The following DGKB variants were observed in gnomAD, a reference collection of about 807,000 sequenced individuals.
DGKB encodes 90 kDa diacylglycerol kinase.
DGKB carries 67 observed loss-of-function variants against 114.3 expected under a neutral mutation model. That is an observed-to-expected ratio of 0.59 (90% CI 0.48 to 0.72). The LOEUF is 0.72. Among genes scored for constraint, DGKB ranks in the 30% least tolerant of loss-of-function variants. The pLI, the probability that DGKB is intolerant of heterozygous loss-of-function variation, is 0.00. For synonymous variants in DGKB, 398 were observed against 323.1 expected, an observed-to-expected ratio of 1.23 and a Z score of -2.49; for missense variants, 907 against 975.2, an observed-to-expected ratio of 0.93 and a Z score of 0.93.
chr7:14,534,690 C>T (rs1343987618), intron 20 of DGKB, among the ~76,000 whole-genome samples: 1 of 151,466 alleles, frequency 6.6e-6, no homozygotes, highest in African/African-American at 2.4e-5. Flanking sequence ...TATACTTAGA[C>T]AAAAATAGAC....
intron 20 of DGKB, among the ~76,000 whole-genome samples, chr7:14,549,849 G>T (rs973916014): frequency 1.3e-5 from 2 of 152,132 alleles, no homozygotes; most frequent in East Asian, 1.9e-4. Context: ...TTAGCTGGGC[G>T]TGGTGGCGTG....
At chr7:14,698,732 T>C (rs1308911287) in intron 7 of DGKB, among the ~76,000 whole-genome samples, 1 of 152,160 alleles carries the variant, frequency 6.6e-6, no homozygotes, top group East Asian at 1.9e-4. Flanking sequence ...AATTTCCATA[T>C]TATTCTGCTC....
intron 20 of DGKB, among the ~76,000 whole-genome samples, chr7:14,555,961 C>A (rs1795806926): frequency 6.6e-6 from 1 of 152,184 alleles, no homozygotes. Context: ...CTTGGGGCTG[C>A]TCTGTCTATG....
At chr7:14,892,364 T>C (rs997112224) in intron 1 of DGKB, among the ~76,000 whole-genome samples, 9 of 151,184 alleles carry the variant, frequency 6.0e-5, no homozygotes, top group African/African-American at 2.2e-4. Flanking sequence ...ATCCTAACGA[T>C]GACAAGAGGT....
chr7:14,300,619 A>G (rs1272013938), intron 23 of DGKB, among the ~76,000 whole-genome samples: 1 of 152,050 alleles, frequency 6.6e-6, no homozygotes, highest in Non-Finnish European at 1.5e-5. Context: ...TCTTAGTTTT[A>G]TATTTCCTCT....
intron 21 of DGKB, among the ~76,000 whole-genome samples, chr7:14,403,315 C>G (rs1823429874): frequency 6.6e-6 from 1 of 151,810 alleles, no homozygotes; most frequent in Non-Finnish European, 1.5e-5. Flanking sequence ...AGATACCAGC[C>G]CCTCCTTCCT....
intron 2 of DGKB, among the ~76,000 whole-genome samples, chr7:14,817,038 A>G (rs1032357032): frequency 1.3e-5 from 2 of 152,186 alleles, no homozygotes; most frequent in Non-Finnish European, 2.9e-5. Context: ...TCTAAAGCTC[A>G]GATCCAGTTC....
At chr7:14,753,106 A>T (rs887851407) in intron 4 of DGKB, among the ~76,000 whole-genome samples, 34 of 152,170 alleles carry the variant, frequency 2.2e-4, no homozygotes, top group African/African-American at 8.2e-4. Flanking sequence ...TGATGTTATA[A>T]TTGTACTTTA....
chr7:14,477,339 G>A lies in DGKB; in HGVS notation c.1835+822C>T, dbSNP rs985574948. On this transcript the variant is annotated intron_variant, in intron 21 of 25. Coordinates refer to ENST00000402815, the MANE Select transcript of DGKB (RefSeq NM_001350709.2). The stretch of plus-strand genomic sequence containing the variant: ...TGGCAAGATGTCAGCCAAATGCAGC[G>A]ACAATAAAGCCCTTGGCTTTGAATA... Among the ~76,000 whole-genome samples the A allele has an allele frequency of 4.6e-5, 7 of 152,128 alleles. No individual in the cohort carries two copies. In the East Asian group the frequency reaches 5.8e-4, roughly 13 times the overall value.
chr7:14,955,032 C>T (rs1587451960), intron 1 of DGKB, among the ~76,000 whole-genome samples: 1 of 151,998 alleles, frequency 6.6e-6, no homozygotes, highest in Non-Finnish European at 1.5e-5. Context: ...AGAGAATCAG[C>T]TAAGGAGTCT....
chr7:14,155,593 G>T (rs1782895885), intron 25 of DGKB, among the ~76,000 whole-genome samples: 1 of 152,068 alleles, frequency 6.6e-6, no homozygotes, highest in Admixed American at 6.6e-5. Flanking sequence ...TGATCCAGAA[G>T]AGAAGTGAAA....
chr7:14,852,487 C>CAAAAAAAAAAAAAACAAACAA lies in DGKB; in HGVS notation c.-187-11038_-187-11037insTTGTTTGTTTTTTTTTTTTTT. 1.3e-3 allele frequency among the ~76,000 whole-genome samples: 80 copies of CAAAAAAAAAAAAAACAAACAA among 63,614 alleles called. 4 individuals carry two copies. Among genetic ancestry groups the CAAAAAAAAAAAAAACAAACAA allele is most frequent in the African/African-American group, 5.1e-3 (75 of 14,832 alleles). The allele number at this position is 63,614 out of a possible 152,430, so 41.7% of individuals were successfully genotyped here. ...GAGGAATAGCTAAAATAGTGAAAGT[C>CAAAAAAAAAAAAAACAAACAA]AAAAAAAAAACAGAAATCAAGCATA... On this transcript the variant is annotated intron_variant, in intron 1 of 25. Coordinates refer to ENST00000402815, the MANE Select transcript of DGKB (RefSeq NM_001350709.2).
intron 25 of DGKB, among the ~76,000 whole-genome samples, chr7:14,159,917 C>T (rs528580190): frequency 1.3e-5 from 2 of 152,282 alleles, no homozygotes; most frequent in South Asian, 4.1e-4. Flanking sequence ...GGTGATCTGC[C>T]TGCCCTCGGC....
intron 21 of DGKB, among the ~76,000 whole-genome samples, chr7:14,389,909 A>C (rs1821060999): frequency 6.6e-6 from 1 of 152,152 alleles, no homozygotes; most frequent in Admixed American, 6.6e-5. Context: ...ATTTAAATGG[A>C]CTACATCCAT....
intron 2 of DGKB, among the ~76,000 whole-genome samples, chr7:14,817,511 A>G (rs1014452914): frequency 1.3e-5 from 2 of 152,202 alleles, no homozygotes; most frequent in African/African-American, 4.8e-5. Flanking sequence ...AACAATCAGA[A>G]TGGTAACAAA....
intron 12 of DGKB, among the ~76,000 whole-genome samples, chr7:14,674,024 T>C (rs1333088186): frequency 6.6e-6 from 1 of 152,166 alleles, no homozygotes; most frequent in Non-Finnish European, 1.5e-5. Context: ...CAGTTAATTA[T>C]CAACTAAGCA....
chr7:14,827,925 A>G (rs1023474275), intron 2 of DGKB, among the ~76,000 whole-genome samples: 2 of 151,912 alleles, frequency 1.3e-5, no homozygotes, highest in Non-Finnish European at 2.9e-5. Context: ...GAACTCCGAA[A>G]TGAATGTGAA....
chr7:14,754,234 G>A (rs1159221495), intron 3 of DGKB, among the ~76,000 whole-genome samples: 3 of 152,012 alleles, frequency 2.0e-5, no homozygotes, highest in African/African-American at 2.4e-5. Flanking sequence ...CAAGCCCCCC[G>A]GTTGATTCTG....
At chr7:14,578,369 G>C (rs1180467010) in intron 19 of DGKB, among the ~76,000 whole-genome samples, 1 of 152,094 alleles carries the variant, frequency 6.6e-6, no homozygotes, top group Non-Finnish European at 1.5e-5. Context: ...GAACCTACAA[G>C]GCACTGTTAT....
Sources: allele counts gnomAD v4.1 joint callset (sites outside exome capture counted in the v4.1 genomes callset), GRCh38; gene constraint gnomAD v4.1.1; transcripts MANE v1.5; gene names NCBI Gene and HGNC (gene_info 2026-07-23, HGNC 2026-07-21).